PRKG1: variants seen among roughly 807,000 people sequenced by gnomAD.
The protein encoded by PRKG1 is protein kinase cGMP-dependent 1.
PRKG1 carries 35 observed loss-of-function variants against 88.1 expected under a neutral mutation model. The observed-to-expected ratio is 0.40, with a 90% confidence interval of 0.30 to 0.53. The LOEUF (loss-of-function observed/expected upper bound fraction) is 0.53, where lower values mean the gene tolerates loss of function less well. PRKG1 is among the 20% of genes least tolerant of loss of function. The pLI is 0.59. For synonymous variants in PRKG1, 303 were observed against 292.5 expected (o/e 1.04, Z -0.37); for missense variants, 540 against 839.8 (o/e 0.64, Z 4.41).
At chr10:51,589,060 G>A (rs1198913804) in intron 3 of PRKG1, among the ~76,000 whole-genome samples, 2 of 152,048 alleles carry the variant, frequency 1.3e-5, no homozygotes, top group Admixed American at 6.6e-5. Context: ...GTTTTGTCTC[G>A]AAACCATTCC....
chr10:51,771,462 A>G (rs988333478), intron 3 of PRKG1, among the ~76,000 whole-genome samples: 6 of 152,154 alleles, frequency 3.9e-5, no homozygotes, highest in Non-Finnish European at 8.8e-5. Flanking sequence ...CTGCATTTTC[A>G]TGTTTTACTG....
intron 1 of PRKG1, among the ~76,000 whole-genome samples, chr10:51,149,885 C>T (rs1846025305): frequency 6.6e-6 from 1 of 151,902 alleles, no homozygotes; most frequent in Non-Finnish European, 1.5e-5. Flanking sequence ...TCCACCCAAG[C>T]CAGACAGCCA....
intron 5 of PRKG1, among the ~76,000 whole-genome samples, chr10:52,049,506 G>A (rs11000586): frequency 0.017 from 2,661 of 152,262 alleles, 79 homozygotes; most frequent in African/African-American, 0.061. Context: ...GCCATTGAAA[G>A]TTTTTAAGCA....
At chr10:51,747,873 G>T (rs1423248299) in intron 3 of PRKG1, among the ~76,000 whole-genome samples, 2 of 152,022 alleles carry the variant, frequency 1.3e-5, no homozygotes, top group African/African-American at 4.8e-5. Context: ...AGGTTCAAGC[G>T]AGAATTCTTT....
chr10:52,153,335 A>G (rs1394003973), intron 8 of PRKG1, among the ~76,000 whole-genome samples: 1 of 152,254 alleles, frequency 6.6e-6, no homozygotes, highest in Non-Finnish European at 1.5e-5. Context: ...AAGGAAAAAA[A>G]TTGCCCCAAT....
Position 51,153,222 on chromosome 10 carries a change from C to A in PRKG1, c.370C>A (p.Leu124Met). The A allele has an allele frequency of 6.2e-7, 1 of 1,612,418 alleles. No individual in the cohort carries two copies. The highest frequency in any genetic ancestry group is 8.5e-7 in the Non-Finnish European group (1 of 1,178,960). Residue 124 changes from leucine to methionine, a missense_variant, in exon 2 of 18, where the codon CTG becomes ATG. Around this residue, in one of 5 missense-constraint regions of PRKG1, gnomAD observed 400 missense variants for 562.7 expected, o/e 0.71. Coordinates refer to ENST00000373980, the MANE Select transcript of PRKG1 (RefSeq NM_006258.4). Reference sequence around the variant, plus strand: ...CAATGACTTTATGAAGAACTTGGAGCTGTCGCAGATCCAGGAGATTGTGGA... The same window carrying A: ...CAATGACTTTATGAAGAACTTGGAGATGTCGCAGATCCAGGAGATTGTGGA... ...LDNDFMKNLE[L>M]SQIQEIVDCM...
chr10:51,892,316 T>C (rs1398633442), intron 4 of PRKG1, among the ~76,000 whole-genome samples: 1 of 152,224 alleles, frequency 6.6e-6, no homozygotes, highest in Non-Finnish European at 1.5e-5. Context: ...TTAAAATTTA[T>C]TTATGGAGCC....
chr10:51,065,925 CATT>C (rs1179308454), intron 1 of PRKG1, among the ~76,000 whole-genome samples: 2 of 151,880 alleles, frequency 1.3e-5, no homozygotes, highest in Non-Finnish European at 2.9e-5. Flanking sequence ...GAAGGGAAAA[CATT>C]ATGGGGATGA....
chr10:51,846,346 A>C (rs1010236846), intron 4 of PRKG1, among the ~76,000 whole-genome samples: 11 of 152,194 alleles, frequency 7.2e-5, no homozygotes, highest in Admixed American at 2.6e-4. Context: ...CCAATCCTTG[A>C]TTATATGTTT....
chr10:51,796,891 T>C (rs1309292400), intron 3 of PRKG1, among the ~76,000 whole-genome samples: 1 of 152,104 alleles, frequency 6.6e-6, no homozygotes, highest in East Asian at 1.9e-4. Flanking sequence ...TACCCGCTTA[T>C]GTGTCTATAT....
chr10:51,372,817 A>G (rs1298875052), intron 2 of PRKG1, among the ~76,000 whole-genome samples: 1 of 152,170 alleles, frequency 6.6e-6, no homozygotes, highest in Non-Finnish European at 1.5e-5. Flanking sequence ...TTTTATAAAT[A>G]TGGTGGTTTA....
At chr10:51,678,565 G>A (rs1840768396) in intron 3 of PRKG1, among the ~76,000 whole-genome samples, 1 of 152,182 alleles carries the variant, frequency 6.6e-6, no homozygotes. Flanking sequence ...GAGCCTGGTG[G>A]TGTTTGGATT....
chr10:52,175,681 A>T lies in PRKG1; in HGVS notation c.1076+13718A>T, dbSNP rs574242862. Among the ~76,000 whole-genome samples, 40 of 152,216 alleles carry T rather than the reference A, an allele frequency of 2.6e-4. No homozygotes were observed. The South Asian group carries it at 8.1e-3, about 31-fold the overall frequency. ...TGTTATTTTTTGTCTTTTTGATAAAAGCTATTCTAACTGGAGTAAAAAGAT... is the reference window on the plus strand; with the variant it reads ...TGTTATTTTTTGTCTTTTTGATAAATGCTATTCTAACTGGAGTAAAAAGAT... On this transcript the variant is annotated intron_variant, in intron 9 of 17. Transcript: ENST00000373980.
chr10:51,880,637 C>T (rs959983007), intron 4 of PRKG1, among the ~76,000 whole-genome samples: 11 of 152,154 alleles, frequency 7.2e-5, no homozygotes, highest in Non-Finnish European at 1.0e-4. Context: ...CTTTTAAAAA[C>T]GTCCTCCTCT....
intron 2 of PRKG1, among the ~76,000 whole-genome samples, chr10:51,197,208 G>C (rs1490472182): frequency 2.0e-5 from 3 of 152,032 alleles, no homozygotes; most frequent in African/African-American, 7.2e-5. Context: ...ATAAAGGAAG[G>C]TTTCAAAAAG....
At chr10:51,160,518 A>G (rs1383650088) in intron 2 of PRKG1, among the ~76,000 whole-genome samples, 7 of 152,176 alleles carry the variant, frequency 4.6e-5, no homozygotes, top group Admixed American at 6.5e-5. Context: ...TTACTTTCCA[A>G]AGTGGTTTTA....
chr10:51,504,899 C>G (rs548478079), intron 3 of PRKG1, among the ~76,000 whole-genome samples: 42 of 152,254 alleles, frequency 2.8e-4, no homozygotes, highest in African/African-American at 9.9e-4. Flanking sequence ...TCTAGATATA[C>G]AATCATGTCA....
chr10:51,588,861 A>G (rs921759096), intron 3 of PRKG1, among the ~76,000 whole-genome samples: 3 of 152,148 alleles, frequency 2.0e-5, no homozygotes, highest in South Asian at 2.1e-4. Context: ...AGTTATAGTA[A>G]TTGCCTTTTG....
At chr10:51,467,993 T>A (rs1839953255) in intron 3 of PRKG1, 157 bp downstream of exon 3, 1 of 636,038 alleles carries the variant, frequency 1.6e-6, no homozygotes, top group Non-Finnish European at 2.8e-6. Context: ...GTTTTCCTAC[T>A]AAAGGTGATT....
Sources: gnomAD v4.1 joint callset for allele counts (sites outside exome capture counted in the v4.1 genomes callset) on GRCh38, gnomAD v4.1.1 for gene constraint, gnomAD v4.1.1 regional missense constraint, MANE v1.5 for transcripts, NCBI Gene and HGNC (gene_info 2026-07-23, HGNC 2026-07-21) for gene names.